The following CAMK1D variants were observed in gnomAD, a reference collection of about 807,000 sequenced individuals.
The protein encoded by CAMK1D is calcium/calmodulin-dependent protein kinase type 1D.
In CAMK1D, 9 loss-of-function variants were observed where a neutral mutation model predicts 47.7. The ratio of observed to expected loss-of-function variants is 0.19; its 90% confidence interval spans 0.11 to 0.33. The LOEUF is 0.33. Among genes scored for constraint, CAMK1D ranks in the 10% least tolerant of loss-of-function variants. The pLI is 1.00. For missense variants in CAMK1D, 291 were observed against 488.7 expected (o/e 0.60, Z 3.81); for synonymous variants, 184 against 184.9 (o/e 0.99, Z 0.04).
rs115217276 is a variant in CAMK1D, at chr10:12,541,538, A to G, written c.93-11687A>G. 6.8e-3 allele frequency among the ~76,000 whole-genome samples: 1,036 copies of G among 151,888 alleles called. 13 individuals are homozygous for G. Among genetic ancestry groups the G allele is most frequent in the African/African-American group, 0.022 (894 of 41,438 alleles). On this transcript the variant is annotated intron_variant, in intron 1 of 10. Coordinates refer to ENST00000619168, the MANE Select transcript of CAMK1D (RefSeq NM_153498.4). ...GCCACCACGCCTGGCTAATTTTTCT[A>G]TTTTTAGAGACAGGGTTTCACCATG...
chr10:12,768,891 A>T (rs1836905469), intron 4 of CAMK1D, among the ~76,000 whole-genome samples: 1 of 152,118 alleles, frequency 6.6e-6, no homozygotes, highest in African/African-American at 2.4e-5. Context: ...TCCCATGCCA[A>T]CCCCAGGACT....
intron 5 of CAMK1D, among the ~76,000 whole-genome samples, chr10:12,788,543 G>A (rs1837834975): frequency 6.6e-6 from 1 of 152,188 alleles, no homozygotes; most frequent in South Asian, 2.1e-4. Context: ...TCTGCCTCAG[G>A]GACACTTTCC....
chr10:12,758,296 T>C (rs1419027578), intron 3 of CAMK1D, among the ~76,000 whole-genome samples: 2 of 152,220 alleles, frequency 1.3e-5, no homozygotes, highest in East Asian at 1.9e-4. Flanking sequence ...GTTTTTGAAA[T>C]GCAGGCTTAA....
intron 3 of CAMK1D, among the ~76,000 whole-genome samples, chr10:12,684,542 A>T (rs11257937): frequency 6.6e-6 from 1 of 152,028 alleles, no homozygotes; most frequent in African/African-American, 2.4e-5. Flanking sequence ...TCAATTCATG[A>T]TCTAAATACT....
intron 3 of CAMK1D, among the ~76,000 whole-genome samples, chr10:12,674,889 C>T (rs1004495632): frequency 4.0e-5 from 6 of 151,520 alleles, no homozygotes; most frequent in Non-Finnish European, 8.8e-5. Context: ...AAAATTAGCT[C>T]GGTGTGATGG....
At chr10:12,374,258 C>CAAAAAAAAAAAAA (rs56312810) in intron 1 of CAMK1D, among the ~76,000 whole-genome samples, 6 of 91,740 alleles carry the variant, frequency 6.5e-5, no homozygotes, top group African/African-American at 8.6e-5. Context: ...GACTCTGTCT[C>CAAAAAAAAAAAAA]AAAAAAAAAA....
At chr10:12,772,218 C>T (rs1486480416) in intron 5 of CAMK1D, among the ~76,000 whole-genome samples, 2 of 151,884 alleles carry the variant, frequency 1.3e-5, no homozygotes, top group Non-Finnish European at 2.9e-5. Context: ...TTCTCCAGCT[C>T]GATCTGAGCC....
At chr10:12,765,709 G>T (rs192212018) in intron 4 of CAMK1D, among the ~76,000 whole-genome samples, 1 of 152,104 alleles carries the variant, frequency 6.6e-6, no homozygotes, top group Non-Finnish European at 1.5e-5. Flanking sequence ...GCTTCAGAGC[G>T]GACATTTAGT....
chr10:12,486,535 A>G (rs962182990), intron 1 of CAMK1D, among the ~76,000 whole-genome samples: 3 of 147,076 alleles, frequency 2.0e-5, no homozygotes, highest in Admixed American at 6.7e-5. Context: ...GCGCGTGCAC[A>G]CACACACACA....
At position 12,830,223 on chromosome 10, in the gene CAMK1D, C is replaced by A. The variant is rs1291616736; in HGVS notation, c.*1336C>A. 1 of 152,234 alleles carries A rather than the reference C, an allele frequency of 6.6e-6. No homozygotes were observed. The highest frequency in any genetic ancestry group is 6.5e-5 in the Admixed American group (1 of 15,278). 9.4% of individuals were successfully genotyped at this position (152,234 alleles called of 1,614,324 possible). On this transcript the variant is annotated 3_prime_UTR_variant, in exon 11 of 11. Transcript: ENST00000619168. ...TTAAAAAAATGCATTTCTAATCTTA[C>A]ACTTCACGTGGCCTCCAACACAAAG... is the stretch of plus-strand genomic sequence containing the variant.
intron 3 of CAMK1D, among the ~76,000 whole-genome samples, chr10:12,700,767 G>A (rs1034163024): frequency 3.9e-5 from 6 of 152,136 alleles, no homozygotes; most frequent in Non-Finnish European, 8.8e-5. Context: ...CCAGTAACTC[G>A]AATTTTCTCC....
chr10:12,734,443 C>T (rs1564524475), intron 3 of CAMK1D, among the ~76,000 whole-genome samples: 4 of 5,272 alleles, frequency 7.6e-4, no homozygotes, highest in African/African-American at 1.0e-3. Flanking sequence ...TACACACACA[C>T]ATATGTGTAT....
intron 2 of CAMK1D, among the ~76,000 whole-genome samples, chr10:12,579,292 T>C (rs1476519437): frequency 6.6e-6 from 1 of 152,182 alleles, no homozygotes; most frequent in Non-Finnish European, 1.5e-5. Flanking sequence ...CCTCATATCT[T>C]TCCCTTCCTT....
intron 2 of CAMK1D, among the ~76,000 whole-genome samples, chr10:12,625,617 C>T (rs530178928): frequency 6.6e-6 from 1 of 151,732 alleles, no homozygotes; most frequent in East Asian, 1.9e-4. Context: ...AGGCATGAGC[C>T]CCCACGCCCC....
chr10:12,410,442 T>C (rs1388029717), intron 1 of CAMK1D, among the ~76,000 whole-genome samples: 1 of 152,184 alleles, frequency 6.6e-6, no homozygotes, highest in East Asian at 1.9e-4. Context: ...CTGAAGGTGT[T>C]GACAGGAAAA....
chr10:12,475,868 CCT>C (rs1056603739), intron 1 of CAMK1D, among the ~76,000 whole-genome samples: 1 of 152,026 alleles, frequency 6.6e-6, no homozygotes, highest in African/African-American at 2.4e-5. Flanking sequence ...GGCATGGCTC[CCT>C]GAGTGATGGC....
intron 5 of CAMK1D, among the ~76,000 whole-genome samples, chr10:12,780,355 T>C (rs1027878886): frequency 6.6e-6 from 1 of 152,234 alleles, no homozygotes; most frequent in African/African-American, 2.4e-5. Context: ...TTGGGGATTC[T>C]CAGTTTCTTG....
In CAMK1D at chr10:12,688,186, C is replaced by A. The variant is rs74969633; in HGVS notation, c.299+21376C>A. On this transcript the variant is annotated intron_variant, in intron 3 of 10. Transcript: ENST00000619168. ...ATGTGTCATTACCTTTTCCAGTCTACCCTTTAAGGACCTATTTAGTTCTTT... is the reference window on the plus strand; with the variant it reads ...ATGTGTCATTACCTTTTCCAGTCTAACCTTTAAGGACCTATTTAGTTCTTT... Among the ~76,000 whole-genome samples, 535 of 152,232 alleles carry A rather than the reference C, an allele frequency of 3.5e-3. 3 individuals are homozygous for A. The highest frequency in any genetic ancestry group is 0.012 in the African/African-American group (480 of 41,530).
At chr10:12,564,505 T>C (rs1837061982) in intron 2 of CAMK1D, among the ~76,000 whole-genome samples, 1 of 152,170 alleles carries the variant, frequency 6.6e-6, no homozygotes, top group South Asian at 2.1e-4. Context: ...TTTGAGTAGT[T>C]TGAAGAGTTG....
Sources: allele counts gnomAD v4.1 joint callset (sites outside exome capture counted in the v4.1 genomes callset), GRCh38; gene constraint gnomAD v4.1.1; transcripts MANE v1.5; gene names NCBI Gene and HGNC (gene_info 2026-07-23, HGNC 2026-07-21).